PPARD: variants seen among roughly 807,000 people sequenced by gnomAD.
PPARD encodes the protein peroxisome proliferator activated receptor delta.
PPARD carries 6 observed loss-of-function variants against 39.5 expected under a neutral mutation model. The ratio of observed to expected loss-of-function variants is 0.15; its 90% CI spans 0.08 to 0.30. The LOEUF is 0.30. PPARD is among the 10% of genes least tolerant of loss of function. The pLI is 1.00. For synonymous variants in PPARD, 210 were observed against 231.3 expected, an observed-to-expected ratio of 0.91 and a Z score of 0.83; for missense variants, 397 against 596.8, an observed-to-expected ratio of 0.67 and a Z score of 3.49.
intron 2 of PPARD, among the ~76,000 whole-genome samples, chr6:35,397,985 G>A (rs1366332446): frequency 1.3e-5 from 2 of 152,186 alleles, no homozygotes; most frequent in African/African-American, 4.8e-5. Context: ...GCCCACTGAA[G>A]GCAGGATATG....
chr6:35,348,762 T>A, intron 2 of PPARD: 1 of 985,322 alleles, frequency 1.0e-6, no homozygotes. Flanking sequence ...TTCAAACCCA[T>A]ACCAAGTGCT....
intron 2 of PPARD, among the ~76,000 whole-genome samples, chr6:35,372,878 A>G (rs1381669447): frequency 1.3e-5 from 2 of 152,212 alleles, no homozygotes; most frequent in African/African-American, 4.8e-5. Context: ...AATGGTTCAT[A>G]CCTGTCTTAG....
intron 2 of PPARD, among the ~76,000 whole-genome samples, chr6:35,365,130 C>CCTTTTTTTTTTTTT (rs1281072287): frequency 8.3e-6 from 1 of 121,086 alleles, no homozygotes; most frequent in African/African-American, 3.4e-5. Context: ...CTTCCTTATT[C>CCTTTTTTTTTTTTT]TTTTTTTTTT....
intron 2 of PPARD, among the ~76,000 whole-genome samples, chr6:35,404,997 GTGTA>G (rs1764942093): frequency 7.4e-6 from 1 of 134,572 alleles, no homozygotes; most frequent in Non-Finnish European, 1.7e-5. Flanking sequence ...GTGTGTGTGT[GTGTA>G]CACACATACA....
chr6:35,423,950 C>G lies in PPARD; in HGVS notation c.429C>G (p.Ile143Met), dbSNP rs1766389559. The G allele has an allele frequency of 6.2e-7, 1 of 1,613,902 alleles. No homozygotes were observed. The highest frequency in any genetic ancestry group is 8.5e-7 in the Non-Finnish European group (1 of 1,180,032). The change falls in exon 6 of 8, where the codon ATC (isoleucine) becomes ATG (methionine). Residue 143 changes from isoleucine (I) to methionine (M), a missense_variant. Transcript: ENST00000360694. Reference protein sequence around the residue: ...CLALGMSHNAIRFGRMPEAEK... With the variant: ...CLALGMSHNAMRFGRMPEAEK... ...ACTGCCCCCTTCCCTGTGCAGCTAT[C>G]CGTTTTGGTCGGATGCCGGAGGCTG...
chr6:35,415,530 C>T (rs1765696372), intron 3 of PPARD, among the ~76,000 whole-genome samples: 1 of 152,184 alleles, frequency 6.6e-6, no homozygotes, highest in South Asian at 2.1e-4. Context: ...TGATACTTTA[C>T]TCTCTGGGTG....
At chr6:35,391,135 C>T (rs1763979203) in intron 2 of PPARD, among the ~76,000 whole-genome samples, 1 of 152,160 alleles carries the variant, frequency 6.6e-6, no homozygotes, top group Non-Finnish European at 1.5e-5. Context: ...AAAATGATCT[C>T]TATCTGATAT....
rs1581681335 is a variant in PPARD at position 35,425,526 on chromosome 6, G to A, written c.1079-306G>A. ...CTCCATTTTACACATCAGAGAGGCT[G>A]AATGACCTGCCTATAGCCTCACAGG... On this transcript the variant is annotated intron_variant, in intron 7 of 7. Transcript: ENST00000360694. This position sits in a 1 kb window ranked among gnomAD's most constrained non-coding sequence, Gnocchi z 4.5. 4 of 884,524 alleles carry A rather than the reference G, an allele frequency of 4.5e-6. No individual in the cohort carries two copies. Among genetic ancestry groups the A allele is most frequent in the African/African-American group, 1.7e-5 (1 of 59,020 alleles). The allele number at this position is 884,524 out of a possible 1,614,324, so 54.8% of individuals were successfully genotyped here.
chr6:35,365,616 G>C (rs1241930321), intron 2 of PPARD, among the ~76,000 whole-genome samples: 1 of 151,222 alleles, frequency 6.6e-6, no homozygotes, highest in Admixed American at 6.6e-5. Flanking sequence ...TCAGCCTCCT[G>C]AGTAGCTGGG....
At chr6:35,347,275 A>G in intron 2 of PPARD, 125 bp downstream of exon 2, 1 of 1,183,142 alleles carries the variant, frequency 8.5e-7, no homozygotes, top group Non-Finnish European at 1.2e-6. Context: ...GGTTCCTGTC[A>G]CAGCATCTGG....
intron 1 of PPARD, 104 bp from the exon 2 acceptor site, chr6:35,346,956 GATTACCT>G: frequency 7.9e-6 from 5 of 631,946 alleles, no homozygotes; most frequent in Admixed American, 6.3e-5. Context: ...CGAGGAGCCA[GATTACCT>G]TAGGAACACT....
chr6:35,423,052 T>TATA (rs1562226286), intron 5 of PPARD, among the ~76,000 whole-genome samples: 1 of 9,182 alleles, frequency 1.1e-4, no homozygotes, highest in Non-Finnish European at 1.8e-4. Flanking sequence ...ACCTCATCTC[T>TATA]ACAAAAAAAA....
chr6:35,390,800 A>G (rs1163928610), intron 2 of PPARD, among the ~76,000 whole-genome samples: 1 of 152,210 alleles, frequency 6.6e-6, no homozygotes, highest in African/African-American at 2.4e-5. Context: ...AGGCAGGAGG[A>G]TGGCTTGAGC....
At chr6:35,358,482 C>G (rs1228109422) in intron 2 of PPARD, among the ~76,000 whole-genome samples, 1 of 152,204 alleles carries the variant, frequency 6.6e-6, no homozygotes, top group Non-Finnish European at 1.5e-5. Context: ...GAAACTAATA[C>G]AGGGCTCATC....
At chr6:35,383,095 G>C (rs1763244248) in intron 2 of PPARD, among the ~76,000 whole-genome samples, 1 of 152,104 alleles carries the variant, frequency 6.6e-6, no homozygotes, top group African/African-American at 2.4e-5. Context: ...TGGAGAGGCA[G>C]ATCTAGGTGA....
rs1040193574 is a variant in PPARD at position 35,401,438 on chromosome 6, G to T, written c.-101-9549G>T. On this transcript the variant is annotated intron_variant, in intron 2 of 7. Transcript: ENST00000360694. This position sits in a 1 kb window ranked among gnomAD's most constrained non-coding sequence, Gnocchi z 4.1. ...AAAGTCTTTGTAAAAATGCAGCTCT[G>T]TTCCTCCCCATCCTCTTCATAACCC... Among the ~76,000 whole-genome samples, 39 of 152,270 alleles carry T rather than the reference G, an allele frequency of 2.6e-4. No individual in the cohort carries two copies. Among genetic ancestry groups the T allele is most frequent in the Non-Finnish European group, 4.0e-4 (27 of 68,008 alleles).
intron 2 of PPARD, among the ~76,000 whole-genome samples, chr6:35,367,123 G>C (rs190251657): frequency 5.3e-5 from 8 of 152,282 alleles, no homozygotes; most frequent in Admixed American, 2.0e-4. Flanking sequence ...GTAAGAGGTT[G>C]ATTCTTTGAA....
At chr6:35,353,923 A>C (rs1279892781) in intron 2 of PPARD, among the ~76,000 whole-genome samples, 1 of 152,194 alleles carries the variant, frequency 6.6e-6, no homozygotes, top group Non-Finnish European at 1.5e-5. Context: ...ATGATGGTTC[A>C]ACTTTACAGT....
chr6:35,381,253 C>T (rs1763137802), intron 2 of PPARD, among the ~76,000 whole-genome samples: 2 of 152,056 alleles, frequency 1.3e-5, no homozygotes, highest in Non-Finnish European at 2.9e-5. Context: ...TTATTTGTAA[C>T]GTAATGACAA....
Sources: allele counts gnomAD v4.1 joint callset (sites outside exome capture counted in the v4.1 genomes callset), GRCh38; gene constraint gnomAD v4.1.1; non-coding constraint Gnocchi (gnomAD v3.1); transcripts MANE v1.5; gene names NCBI Gene and HGNC (gene_info 2026-07-23, HGNC 2026-07-21).